The following SSBP2 variants were observed in gnomAD, a reference collection of about 807,000 sequenced individuals.
The protein encoded by SSBP2 is single stranded DNA binding protein 2.
A neutral mutation model predicts 61.8 loss-of-function variants in SSBP2; 17 were observed. The ratio of observed to expected loss-of-function variants is 0.28; its 90% CI spans 0.19 to 0.41. The LOEUF is 0.41. Among genes scored for constraint, SSBP2 ranks in the 10% least tolerant of loss-of-function variants. The pLI is 1.00. For synonymous variants in SSBP2, 139 were observed against 141.3 expected (o/e 0.98, Z 0.12); for missense variants, 310 against 458.7 (o/e 0.68, Z 2.96).
intron 1 of SSBP2, among the ~76,000 whole-genome samples, chr5:81,724,856 TA>T (rs1201879469): frequency 6.6e-6 from 1 of 152,066 alleles, no homozygotes; most frequent in African/African-American, 2.4e-5. Context: ...AATAACAAAT[TA>T]TAACAACATC....
chr5:81,539,227 G>C (rs1206668817), intron 4 of SSBP2, among the ~76,000 whole-genome samples: 1 of 152,194 alleles, frequency 6.6e-6, no homozygotes, highest in African/African-American at 2.4e-5. Flanking sequence ...AGTGGAAGAA[G>C]TCACTGCAAA....
intron 1 of SSBP2, among the ~76,000 whole-genome samples, chr5:81,658,687 A>G (rs940935025): frequency 6.6e-6 from 1 of 152,142 alleles, no homozygotes; most frequent in Non-Finnish European, 1.5e-5. Flanking sequence ...CACTCATTTA[A>G]CTTAACGTAA....
At chr5:81,706,209 T>C (rs1327542047) in intron 1 of SSBP2, among the ~76,000 whole-genome samples, 1 of 152,134 alleles carries the variant, frequency 6.6e-6, no homozygotes, top group African/African-American at 2.4e-5. Flanking sequence ...GAGGCCATTA[T>C]CCTAAGCAAA....
At chr5:81,691,716 AC>A (rs1753213112) in intron 1 of SSBP2, among the ~76,000 whole-genome samples, 1 of 152,168 alleles carries the variant, frequency 6.6e-6, no homozygotes, top group South Asian at 2.1e-4. Flanking sequence ...GTTTTAGAAG[AC>A]TGGTATTACT....
intron 2 of SSBP2, among the ~76,000 whole-genome samples, chr5:81,649,321 A>G (rs1304131645): frequency 6.6e-6 from 1 of 152,124 alleles, no homozygotes; most frequent in East Asian, 1.9e-4. Flanking sequence ...TCATCCTCAT[A>G]TACATAGGAG....
intron 1 of SSBP2, among the ~76,000 whole-genome samples, chr5:81,692,754 AGAAAG>A (rs1753301715): frequency 6.6e-6 from 1 of 152,218 alleles, no homozygotes; most frequent in South Asian, 2.1e-4. Flanking sequence ...TATACACCGG[AGAAAG>A]GAAAGTATCT....
At chr5:81,635,019 G>C (rs1480680080) in intron 3 of SSBP2, among the ~76,000 whole-genome samples, 1 of 152,162 alleles carries the variant, frequency 6.6e-6, no homozygotes, top group Non-Finnish European at 1.5e-5. Context: ...TTATTCACTG[G>C]TGTGTCCACA....
intron 4 of SSBP2, among the ~76,000 whole-genome samples, chr5:81,540,956 A>T (rs1350330288): frequency 6.6e-6 from 1 of 152,166 alleles, no homozygotes; most frequent in Non-Finnish European, 1.5e-5. Context: ...TATCCAAATA[A>T]GAAAAGAAGT....
At chr5:81,677,884 A>C (rs1298179930) in intron 1 of SSBP2, among the ~76,000 whole-genome samples, 1 of 151,506 alleles carries the variant, frequency 6.6e-6, no homozygotes, top group Non-Finnish European at 1.5e-5. Context: ...CCAGCTCACC[A>C]AAAGACACAG....
At position 81,420,211 on chromosome 5, in the gene SSBP2, T is replaced by C. The variant is rs1761511219; in HGVS notation, c.*293A>G. 5.5e-6 allele frequency: 2 copies of C among 364,456 alleles called. No individual in the cohort carries two copies. Among genetic ancestry groups the C allele is most frequent in the Admixed American group, 4.3e-5 (1 of 23,110 alleles). 22.6% of individuals were successfully genotyped at this position (364,456 alleles called of 1,614,324 possible). ...GTCAATGTATGTATGTGTATATGTCTGTATAACATACACATATACAGTACA... is the reference window on the plus strand; with the variant it reads ...GTCAATGTATGTATGTGTATATGTCCGTATAACATACACATATACAGTACA... On this transcript the variant is annotated 3_prime_UTR_variant, in exon 17 of 17. Coordinates refer to ENST00000320672, the MANE Select transcript of SSBP2 (RefSeq NM_012446.5).
chr5:81,594,875 C>G (rs1180234927), intron 4 of SSBP2, among the ~76,000 whole-genome samples: 1 of 151,890 alleles, frequency 6.6e-6, no homozygotes. Flanking sequence ...CACTAAATGC[C>G]CACAAGAGAA....
chr5:81,432,576 T>C (rs1762361669), intron 15 of SSBP2, among the ~76,000 whole-genome samples: 1 of 151,974 alleles, frequency 6.6e-6, no homozygotes, highest in African/African-American at 2.4e-5. Context: ...GAAACCCCTG[T>C]CTCTACTAAA....
At chr5:81,425,668 T>C (rs1761906293) in intron 16 of SSBP2, among the ~76,000 whole-genome samples, 1 of 152,160 alleles carries the variant, frequency 6.6e-6, no homozygotes, top group African/African-American at 2.4e-5. Flanking sequence ...ATTTTACAGT[T>C]TGAACACTAG....
At chr5:81,747,055 C>T (rs1315572335) in intron 1 of SSBP2, among the ~76,000 whole-genome samples, 2 of 140,672 alleles carry the variant, frequency 1.4e-5, no homozygotes, top group East Asian at 2.1e-4. Flanking sequence ...AACAAGTTTT[C>T]GTCATTATGT....
intron 4 of SSBP2, among the ~76,000 whole-genome samples, chr5:81,573,807 G>A (rs903028802): frequency 2.0e-5 from 3 of 152,270 alleles, no homozygotes; most frequent in Admixed American, 1.3e-4. Flanking sequence ...CAGACCCCCT[G>A]TGGATTTACA....
chr5:81,652,919 A>G (rs962546381), intron 1 of SSBP2, among the ~76,000 whole-genome samples: 3 of 131,458 alleles, frequency 2.3e-5, no homozygotes, highest in African/African-American at 8.6e-5. Context: ...CCTTTCCCCC[A>G]AGTCCCCAAA....
chr5:81,724,980 T>C (rs1157172286), intron 1 of SSBP2, among the ~76,000 whole-genome samples: 1 of 152,204 alleles, frequency 6.6e-6, no homozygotes, highest in Non-Finnish European at 1.5e-5. Context: ...CAAATATTTA[T>C]AGAGAACTTA....
Position 81,751,030 on chromosome 5 carries a change from CT to C in SSBP2, c.12del (p.Gly5AlafsTer18). Reference sequence around the variant, plus strand: ...GGGACGGCGCTGCTGTTACTCTTGCCTTTGCCGTACATGCTTGTGCCGAGAG... The same window carrying C: ...GGGACGGCGCTGCTGTTACTCTTGCCTTGCCGTACATGCTTGTGCCGAGAG... On this transcript the variant is annotated frameshift_variant, in exon 1 of 17. Transcript: ENST00000320672. LOFTEE classifies it high-confidence loss of function. The C allele has an allele frequency of 6.3e-7, 1 of 1,598,476 alleles. No homozygotes were observed. Among genetic ancestry groups the C allele is most frequent in the Non-Finnish European group, 8.5e-7 (1 of 1,172,682 alleles).
rs1331856721 is a variant in SSBP2 at position 81,519,977 on chromosome 5, AT to A, written c.283-6261del. 3.0e-3 allele frequency among the ~76,000 whole-genome samples: 437 copies of A among 147,648 alleles called. 2 individuals are homozygous for A. Among genetic ancestry groups the A allele is most frequent in the African/African-American group, 0.011 (428 of 40,434 alleles). ...AAACATCTTAATTAAATTAGTAGCT[AT>A]TTTCCCCCCTCTTTTTTTTTTTTTG... On this transcript the variant is annotated intron_variant, in intron 4 of 16. Coordinates refer to ENST00000320672, the MANE Select transcript of SSBP2 (RefSeq NM_012446.5).
Sources: gnomAD v4.1 joint callset for allele counts (sites outside exome capture counted in the v4.1 genomes callset) on GRCh38, gnomAD v4.1.1 for gene constraint, MANE v1.5 for transcripts, NCBI Gene and HGNC (gene_info 2026-07-23, HGNC 2026-07-21) for gene names.